ZCCHC14: variants seen among roughly 807,000 people sequenced by gnomAD.
ZCCHC14 encodes zinc finger CCHC-type containing 14.
In ZCCHC14, 16 loss-of-function variants were observed where a neutral mutation model predicts 85.0. The ratio of observed to expected loss-of-function variants is 0.19; its 90% CI spans 0.13 to 0.29. The LOEUF (loss-of-function observed/expected upper bound fraction) is 0.29. Among genes scored for constraint, ZCCHC14 ranks in the 10% least tolerant of loss-of-function variants. The pLI is 1.00. For synonymous variants in ZCCHC14, 775 were observed against 630.7 expected, an observed-to-expected ratio of 1.23 and a Z score of -3.43; for missense variants, 1,303 against 1,443.5, an observed-to-expected ratio of 0.90 and a Z score of 1.58.
In ZCCHC14 at chr16:87,412,485, C is replaced by T; in HGVS notation, c.2236G>A (p.Ala746Thr). 2 of 1,614,016 alleles carry T rather than the reference C, an allele frequency of 1.2e-6. No individual in the cohort carries two copies. The highest frequency in any genetic ancestry group is 1.7e-6 in the Non-Finnish European group (2 of 1,180,028). ...ASTLDRVLKT[A>T]QQPALVVETS... is the part of the protein sequence containing the mutation. ...TCCACGACCAGGGCCGGTTGCTGTGCTGTCTTCAGCACCCTGTCCAGCGTG... is the reference window on the plus strand; with the variant it reads ...TCCACGACCAGGGCCGGTTGCTGTGTTGTCTTCAGCACCCTGTCCAGCGTG... The change falls in exon 12 of 13, where the codon GCA becomes ACA. Residue 746 changes from alanine (A) to threonine (T), a missense_variant. Physicochemically the swap from Ala to Thr is moderately conservative, Grantham distance 58. Around this residue, in one of 7 missense-constraint regions of ZCCHC14, gnomAD observed 797 missense variants for 730.8 expected, o/e 1.09. Coordinates refer to ENST00000671377, the MANE Select transcript of ZCCHC14 (RefSeq NM_015144.3).
At chr16:87,432,788 G>C (rs1909726099) in intron 3 of ZCCHC14, among the ~76,000 whole-genome samples, 1 of 152,206 alleles carries the variant, frequency 6.6e-6, no homozygotes, top group East Asian at 1.9e-4. Flanking sequence ...TTCATCATCA[G>C]TCTCCAGAGG....
At chr16:87,413,320 G>A in intron 10 of ZCCHC14, 125 bp from the exon 11 acceptor site, 1 of 1,356,438 alleles carries the variant, frequency 7.4e-7, no homozygotes, top group East Asian at 2.5e-5. Context: ...CTGAGAGTCA[G>A]AAAACGAACA....
intron 1 of ZCCHC14, among the ~76,000 whole-genome samples, chr16:87,486,700 G>A (rs1169135687): frequency 6.6e-6 from 1 of 152,190 alleles, no homozygotes; most frequent in Non-Finnish European, 1.5e-5. Flanking sequence ...CTATGTGTTA[G>A]AATATTATCT....
intron 2 of ZCCHC14, among the ~76,000 whole-genome samples, chr16:87,457,196 A>G (rs1334228925): frequency 6.6e-6 from 1 of 152,248 alleles, no homozygotes; most frequent in Non-Finnish European, 1.5e-5. Context: ...CCTGAACTGG[A>G]AAATGTTCAC....
intron 3 of ZCCHC14, among the ~76,000 whole-genome samples, chr16:87,425,907 G>A (rs1224153669): frequency 3.3e-5 from 5 of 152,322 alleles, no homozygotes; most frequent in Admixed American, 6.5e-5. Flanking sequence ...CCACCCCAGC[G>A]ATTAAACATG....
rs998664290 is a variant in ZCCHC14 at position 87,413,215 on chromosome 16, G to A, written c.1604-20C>T. 32 of 1,518,740 alleles carry A rather than the reference G, an allele frequency of 2.1e-5. No individual in the cohort carries two copies. In the East Asian group the frequency reaches 6.6e-4, roughly 31 times the overall value. The allele number at this position is 1,518,740 out of a possible 1,614,324, so 94.1% of individuals were successfully genotyped here. On this transcript the variant is annotated intron_variant, in intron 10 of 12. Coordinates refer to ENST00000671377, the MANE Select transcript of ZCCHC14 (RefSeq NM_015144.3). The stretch of plus-strand genomic sequence containing the variant: ...GCAGCTCTGCAGAAAAGGGACAGAG[G>A]AGCAGCCATCAACTAGCGCCCCTGC...
rs34933427 is a variant in ZCCHC14, at chr16:87,427,939, A to ATT, written c.769-4060_769-4059dup. 3.4e-4 allele frequency among the ~76,000 whole-genome samples: 46 copies of ATT among 137,132 alleles called. 1 individual carries two copies. Among genetic ancestry groups the ATT allele is most frequent in the African/African-American group, 1.1e-3 (42 of 36,856 alleles). The allele number at this position is 137,132 out of a possible 152,430, so 90.0% of individuals were successfully genotyped here. Reference sequence around the variant, plus strand: ...TGAGCCACTGCACCTGGCCTCTATGATTTTTTTTTTTTTTTTTTTTAAGAG... The same window carrying ATT: ...TGAGCCACTGCACCTGGCCTCTATGATTTTTTTTTTTTTTTTTTTTTTAAGAG... On this transcript the variant is annotated intron_variant, in intron 3 of 12. Coordinates refer to ENST00000671377, the MANE Select transcript of ZCCHC14 (RefSeq NM_015144.3).
chr16:87,451,389 G>C (rs1910694732), intron 2 of ZCCHC14, among the ~76,000 whole-genome samples: 1 of 150,648 alleles, frequency 6.6e-6, no homozygotes, highest in South Asian at 2.1e-4. Flanking sequence ...GTAGAAGCGG[G>C]GTTTCACCAT....
At chr16:87,485,131 T>A (rs1278739410) in intron 1 of ZCCHC14, among the ~76,000 whole-genome samples, 1 of 152,158 alleles carries the variant, frequency 6.6e-6, no homozygotes, top group Non-Finnish European at 1.5e-5. Flanking sequence ...TGCCCCTCTC[T>A]AAGGGTGAAC....
At chr16:87,452,303 C>G (rs534571704) in intron 2 of ZCCHC14, among the ~76,000 whole-genome samples, 33 of 152,344 alleles carry the variant, frequency 2.2e-4, no homozygotes, top group Non-Finnish European at 3.8e-4. Flanking sequence ...TGAGGGCAGG[C>G]AGGAGCTGGC....
At chr16:87,467,553 A>T in intron 1 of ZCCHC14, 2 of 1,577,468 alleles carry the variant, frequency 1.3e-6, no homozygotes, top group Non-Finnish European at 8.7e-7. Flanking sequence ...TTTTAATGTC[A>T]TCCCACCAAT....
intron 3 of ZCCHC14, among the ~76,000 whole-genome samples, 188 bp downstream of exon 3, chr16:87,432,940 G>A (rs564417149): frequency 2.0e-4 from 26 of 130,256 alleles, no homozygotes; most frequent in Non-Finnish European, 3.7e-4. Flanking sequence ...CCCGCCTGCA[G>A]AGGCCCCCCA....
At chr16:87,477,833 A>G (rs1295591092) in intron 1 of ZCCHC14, among the ~76,000 whole-genome samples, 1 of 131,484 alleles carries the variant, frequency 7.6e-6, no homozygotes, top group Non-Finnish European at 1.6e-5. Context: ...GCCTCCACGC[A>G]TCGCTCCCGA....
intron 9 of ZCCHC14, among the ~76,000 whole-genome samples, chr16:87,415,023 A>G (rs900652557): frequency 3.9e-5 from 6 of 152,258 alleles, no homozygotes; most frequent in Non-Finnish European, 8.8e-5. Flanking sequence ...CAGAGGTTGC[A>G]GTGAGCCGAG....
intron 1 of ZCCHC14, among the ~76,000 whole-genome samples, chr16:87,477,507 T>C (rs1912075429): frequency 6.6e-6 from 1 of 152,226 alleles, no homozygotes; most frequent in African/African-American, 2.4e-5. Context: ...TCTCATTTCA[T>C]ATTCCTCAGG....
At chr16:87,468,988 G>T (rs896602191) in intron 1 of ZCCHC14, among the ~76,000 whole-genome samples, 4 of 152,148 alleles carry the variant, frequency 2.6e-5, no homozygotes, top group African/African-American at 9.7e-5. Flanking sequence ...AAAAGAATAC[G>T]GTCAGTTTAA....
At chr16:87,417,408 C>G in intron 8 of ZCCHC14, 52 bp downstream of exon 8, 1 of 1,588,944 alleles carries the variant, frequency 6.3e-7, no homozygotes, top group South Asian at 1.2e-5. Context: ...CCAGGGAGGT[C>G]TTGAGTAAAC....
intron 2 of ZCCHC14, among the ~76,000 whole-genome samples, chr16:87,447,305 T>G (rs1910488602): frequency 6.7e-6 from 1 of 148,768 alleles, no homozygotes; most frequent in Admixed American, 6.7e-5. Flanking sequence ...GGGTCAGGTG[T>G]TTTTTTTTTA....
intron 1 of ZCCHC14, among the ~76,000 whole-genome samples, chr16:87,460,363 G>A (rs1460110129): frequency 6.6e-6 from 1 of 152,152 alleles, no homozygotes; most frequent in African/African-American, 2.4e-5. Context: ...CTTACGTCTT[G>A]TGGCTGGGGT....
Sources: allele counts gnomAD v4.1 joint callset (sites outside exome capture counted in the v4.1 genomes callset), GRCh38; gene constraint gnomAD v4.1.1; regional missense constraint gnomAD v4.1.1; transcripts MANE v1.5; gene names NCBI Gene and HGNC (gene_info 2026-07-23, HGNC 2026-07-21).